The following COX7B2 variants were observed in gnomAD, a reference collection of about 807,000 sequenced individuals.
COX7B2 encodes cytochrome c oxidase subunit 7B2, mitochondrial.
For missense variants in COX7B2, 109 were observed against 95.9 expected (o/e 1.14, Z -0.57); for synonymous variants, 37 against 32.1 (o/e 1.15, Z -0.51).
At chr4:46,746,561 T>C (rs1446246882) in intron 2 of COX7B2, among the ~76,000 whole-genome samples, 5 of 152,198 alleles carry the variant, frequency 3.3e-5, no homozygotes, top group Non-Finnish European at 1.5e-5. Context: ...CAGAGGTTTA[T>C]TCATTGAGAG....
At chr4:46,837,264 C>T (rs1039599784) in intron 2 of COX7B2, among the ~76,000 whole-genome samples, 7 of 142,692 alleles carry the variant, frequency 4.9e-5, no homozygotes, top group Non-Finnish European at 7.5e-5. Flanking sequence ...AGTATGAACA[C>T]ACAAAGACAT....
At chr4:46,752,999 C>T (rs185073969) in intron 2 of COX7B2, among the ~76,000 whole-genome samples, 29 of 152,226 alleles carry the variant, frequency 1.9e-4, no homozygotes, top group African/African-American at 7.0e-4. Context: ...ATGGTACCAG[C>T]TCCTCCTTGT....
intron 1 of COX7B2, among the ~76,000 whole-genome samples, chr4:46,864,668 GTTTA>G (rs966664032): frequency 6.6e-6 from 1 of 150,700 alleles, no homozygotes; most frequent in Admixed American, 6.6e-5. Context: ...TTGTTTGTTT[GTTTA>G]GACGGAGTCT....
At chr4:46,762,046 G>A (rs1355809216) in intron 2 of COX7B2, among the ~76,000 whole-genome samples, 1 of 150,874 alleles carries the variant, frequency 6.6e-6, no homozygotes, top group Admixed American at 6.7e-5. Flanking sequence ...GTGACCTTGA[G>A]CAGGGTGCAA....
chr4:46,888,512 A>C (rs912981538), intron 1 of COX7B2, among the ~76,000 whole-genome samples: 6 of 149,980 alleles, frequency 4.0e-5, no homozygotes, highest in Non-Finnish European at 8.9e-5. Flanking sequence ...GGCGCGATCT[A>C]GGCTCACTGC....
chr4:46,786,914 C>T (rs1256361306), intron 2 of COX7B2, among the ~76,000 whole-genome samples: 1 of 152,122 alleles, frequency 6.6e-6, no homozygotes, highest in African/African-American at 2.4e-5. Flanking sequence ...AAGAACCCAC[C>T]CTCCACACGT....
chr4:46,885,460 A>G (rs1459808611), intron 1 of COX7B2, among the ~76,000 whole-genome samples: 4 of 152,156 alleles, frequency 2.6e-5, no homozygotes, highest in Non-Finnish European at 5.9e-5. Context: ...CAAGTTCCAA[A>G]TGATTTTGTA....
At chr4:46,906,111 G>A (rs952425902) in intron 1 of COX7B2, among the ~76,000 whole-genome samples, 14 of 151,788 alleles carry the variant, frequency 9.2e-5, no homozygotes, top group Admixed American at 2.0e-4. Flanking sequence ...TTACAGGCGT[G>A]AGCCACCGCA....
chr4:46,798,589 G>A (rs1335238655), intron 2 of COX7B2, among the ~76,000 whole-genome samples: 1 of 152,166 alleles, frequency 6.6e-6, no homozygotes, highest in Non-Finnish European at 1.5e-5. Flanking sequence ...GCCATGATCT[G>A]CAGAAAGCTA....
chr4:46,890,505 T>C (rs144854240), intron 1 of COX7B2, among the ~76,000 whole-genome samples: 46 of 152,326 alleles, frequency 3.0e-4, no homozygotes, highest in Admixed American at 7.8e-4. Flanking sequence ...TTAGACAATG[T>C]CTCTTCTCTC....
intron 2 of COX7B2, among the ~76,000 whole-genome samples, chr4:46,787,157 G>T (rs1348106674): frequency 6.6e-6 from 1 of 152,180 alleles, no homozygotes; most frequent in Non-Finnish European, 1.5e-5. Context: ...TGGATTTAAA[G>T]AATATGATAG....
intron 2 of COX7B2, among the ~76,000 whole-genome samples, chr4:46,787,334 C>G (rs1577704574): frequency 6.6e-6 from 1 of 152,078 alleles, no homozygotes; most frequent in East Asian, 1.9e-4. Context: ...GTAATCCCAG[C>G]TACTTGGGAG....
intron 1 of COX7B2, among the ~76,000 whole-genome samples, chr4:46,884,424 G>T (rs546381066): frequency 6.6e-6 from 1 of 152,156 alleles, no homozygotes; most frequent in Non-Finnish European, 1.5e-5. Context: ...TTAATAGAAG[G>T]TTCCAATTTG....
intron 2 of COX7B2, among the ~76,000 whole-genome samples, chr4:46,813,540 C>T (rs1376986700): frequency 3.9e-5 from 6 of 152,254 alleles, no homozygotes; most frequent in Admixed American, 2.0e-4. Context: ...GAACATCGCA[C>T]ACTGGGGCCT....
intron 2 of COX7B2, among the ~76,000 whole-genome samples, chr4:46,841,335 C>CTCTGTGTGTG (rs369138916): frequency 1.4e-4 from 20 of 139,794 alleles, no homozygotes; most frequent in African/African-American, 5.4e-4. Flanking sequence ...CAAATGTGCT[C>CTCTGTGTGTG]TGTGTGTGTG....
In COX7B2 at chr4:46,754,624, G is replaced by A. The variant is rs893833752; in HGVS notation, c.-49-19383C>T. Among the ~76,000 whole-genome samples the A allele has an allele frequency of 1.0e-4, 15 of 148,118 alleles. 1 individual carries two copies. Among genetic ancestry groups the A allele is most frequent in the Admixed American group, 5.4e-4 (8 of 14,708 alleles). ...GTTAATGTGTGCAGCACATCATCAC[G>A]GGGCATGTATGCATATGTAACAAAC... On this transcript the variant is annotated intron_variant, in intron 2 of 2. Transcript: ENST00000355591.
intron 1 of COX7B2, among the ~76,000 whole-genome samples, chr4:46,884,641 C>G (rs1359273778): frequency 2.0e-5 from 3 of 152,192 alleles, no homozygotes; most frequent in South Asian, 2.1e-4. Flanking sequence ...GGGAGGAATA[C>G]TGTCATATTC....
chr4:46,805,988 C>T (rs1024727874), intron 2 of COX7B2, among the ~76,000 whole-genome samples: 1 of 152,056 alleles, frequency 6.6e-6, no homozygotes, highest in African/African-American at 2.4e-5. Flanking sequence ...ATTCTTGGCA[C>T]AGAATGTAAG....
intron 1 of COX7B2, among the ~76,000 whole-genome samples, chr4:46,892,731 G>C (rs1719503024): frequency 6.6e-6 from 1 of 152,142 alleles, no homozygotes; most frequent in Non-Finnish European, 1.5e-5. Flanking sequence ...CAGACCACTA[G>C]CTGTTTTGAC....
Sources: allele counts gnomAD v4.1 joint callset (sites outside exome capture counted in the v4.1 genomes callset), GRCh38; gene constraint gnomAD v4.1.1; transcripts MANE v1.5; gene names NCBI Gene and HGNC (gene_info 2026-07-23, HGNC 2026-07-21).